The following CFAP20DC variants were observed in gnomAD, a reference collection of about 807,000 sequenced individuals.
CFAP20DC encodes CFAP20 domain containing.
In CFAP20DC, 84 loss-of-function variants were observed where a neutral mutation model predicts 101.7. The observed-to-expected ratio is 0.83, with a 90% CI of 0.69 to 0.99. CFAP20DC has a LOEUF of 0.99. Ranked by LOEUF, CFAP20DC falls within the 50% of genes least tolerant of loss-of-function variation. CFAP20DC has a pLI of 0.00. For missense variants in CFAP20DC, 1,007 were observed against 970.3 expected, an observed-to-expected ratio of 1.04 and a Z score of -0.50; for synonymous variants, 359 against 351.2, an observed-to-expected ratio of 1.02 and a Z score of -0.25.
chr3:58,959,245 C>A (rs1338581095), intron 4 of CFAP20DC, among the ~76,000 whole-genome samples: 1 of 152,194 alleles, frequency 6.6e-6, no homozygotes, highest in Non-Finnish European at 1.5e-5. Context: ...CAGGCATGTG[C>A]CACCATGCCC....
intron 15 of CFAP20DC, among the ~76,000 whole-genome samples, chr3:58,756,031 T>G (rs1189809972): frequency 6.6e-6 from 1 of 152,196 alleles, no homozygotes; most frequent in Non-Finnish European, 1.5e-5. Flanking sequence ...ACAGCCATGC[T>G]CATTTGCTTA....
intron 13 of CFAP20DC, among the ~76,000 whole-genome samples, chr3:58,843,610 C>T (rs1310388010): frequency 6.6e-6 from 1 of 151,860 alleles, no homozygotes; most frequent in African/African-American, 2.4e-5. Context: ...TCCAGGAGAA[C>T]TTCCCCAATC....
intron 15 of CFAP20DC, among the ~76,000 whole-genome samples, chr3:58,804,951 T>C (rs78164332): frequency 2.0e-5 from 3 of 152,174 alleles, no homozygotes; most frequent in East Asian, 1.9e-4. Flanking sequence ...GTGTACAGAA[T>C]AGAAACATTT....
chr3:58,727,195 G>A, intron 3 of CFAP20DC: 1 of 158,722 alleles, frequency 6.3e-6, no homozygotes, highest in Non-Finnish European at 1.4e-5. Flanking sequence ...ACCTTTCCTT[G>A]CCCACATCTA....
intron 4 of CFAP20DC, among the ~76,000 whole-genome samples, chr3:58,967,119 T>G (rs1477316968): frequency 6.6e-6 from 1 of 152,168 alleles, no homozygotes; most frequent in Non-Finnish European, 1.5e-5. Context: ...CACAAAGCTA[T>G]AGTAAACATG....
Position 58,725,908 on chromosome 3 carries a change from A to T in CFAP20DC, c.198-8280T>A, listed in dbSNP as rs1211631959. The T allele has an allele frequency of 2.4e-5, 4 of 163,572 alleles. No homozygotes were observed. In the South Asian group the frequency reaches 6.5e-4, roughly 27 times the overall value. The allele number at this position is 163,572 out of a possible 1,614,324, so 10.1% of individuals were successfully genotyped here. A position where few individuals can be genotyped will look rare whatever the true frequency, so the allele number is the denominator to read the frequency against. On this transcript the variant is annotated intron_variant, in intron 3 of 3. Coordinates refer to the CFAP20DC transcript ENST00000486145. ...TCTGGAGCTTTTTGGAACAAGAAGAACTCAAGGTGCAACAGTTACAAGTGA... is the reference window on the plus strand; with the variant it reads ...TCTGGAGCTTTTTGGAACAAGAAGATCTCAAGGTGCAACAGTTACAAGTGA...
rs2067484630 is a variant in CFAP20DC, at chr3:58,722,347, T to C, written c.198-4719A>G. Among the ~76,000 whole-genome samples, 1 of 152,088 alleles carries C rather than the reference T, an allele frequency of 6.6e-6. No individual in the cohort carries two copies. Among genetic ancestry groups the C allele is most frequent in the African/African-American group, 2.4e-5 (1 of 41,396 alleles). On this transcript the variant is annotated intron_variant, in intron 3 of 3. Transcript: ENST00000486145. The surrounding 1 kb of genome is among the most constrained non-coding windows in gnomAD (Gnocchi z 4.5). The stretch of plus-strand genomic sequence containing the variant: ...CATGCGTGTACTACTATGGTAGTGG[T>C]CTTATATCACTCAAGTTTGGGGTGG...
At chr3:58,781,391 T>G (rs554899435) in intron 15 of CFAP20DC, among the ~76,000 whole-genome samples, 109 of 151,842 alleles carry the variant, frequency 7.2e-4, no homozygotes, top group African/African-American at 2.5e-3. Flanking sequence ...TTTTAGGAAC[T>G]AGAAAAGCAA....
At chr3:58,860,767 T>A (rs901763034) in intron 12 of CFAP20DC, among the ~76,000 whole-genome samples, 3 of 152,226 alleles carry the variant, frequency 2.0e-5, no homozygotes, top group African/African-American at 7.2e-5. Flanking sequence ...AACAGTTGCA[T>A]GCTTTCGTTT....
intron 15 of CFAP20DC, among the ~76,000 whole-genome samples, chr3:58,796,663 T>C (rs1047456286): frequency 6.6e-6 from 1 of 152,044 alleles, no homozygotes; most frequent in South Asian, 2.1e-4. Flanking sequence ...GACACACACA[T>C]ACACACACAC....
intron 12 of CFAP20DC, among the ~76,000 whole-genome samples, chr3:58,860,109 G>A (rs1014965492): frequency 2.7e-5 from 4 of 148,274 alleles, no homozygotes; most frequent in Admixed American, 6.8e-5. Flanking sequence ...CCAGGGAGTC[G>A]GAGGTTGCAA....
In CFAP20DC at chr3:58,819,005, C is replaced by T. The variant is rs866041189; in HGVS notation, c.2176-12549G>A. ...AAGAATCTCACTCAAACCCGCTCAA[C>T]TACGTGGAAACTGAACAACCTGCTC... On this transcript the variant is annotated intron_variant, in intron 14 of 16. Transcript: ENST00000482387. 3.8e-4 allele frequency among the ~76,000 whole-genome samples: 58 copies of T among 151,358 alleles called. 1 individual carries two copies. In the South Asian group the frequency reaches 0.012, roughly 31 times the overall value.
downstream of CFAP20DC, among the ~76,000 whole-genome samples, chr3:58,738,208 G>A (rs982802259): frequency 2.0e-5 from 3 of 151,736 alleles, no homozygotes; most frequent in Non-Finnish European, 4.4e-5. The surrounding 1 kb of genome is among the most constrained non-coding windows in gnomAD (Gnocchi z 4.4). Flanking sequence ...AAGTTCCAGG[G>A]TACATGTACA....
chr3:58,837,182 C>T (rs2076796351), intron 13 of CFAP20DC, among the ~76,000 whole-genome samples: 2 of 152,116 alleles, frequency 1.3e-5, no homozygotes, highest in African/African-American at 4.8e-5. Flanking sequence ...CCTTAAGAGA[C>T]CAGATGGCTT....
At chr3:58,827,926 TA>T (rs1306036222) in intron 14 of CFAP20DC, among the ~76,000 whole-genome samples, 35 of 152,326 alleles carry the variant, frequency 2.3e-4, no homozygotes, top group African/African-American at 7.9e-4. Context: ...ATCAGGGAGA[TA>T]CTCCTGACTC....
chr3:58,858,635 A>C (rs1057041030), intron 12 of CFAP20DC, among the ~76,000 whole-genome samples: 1 of 152,240 alleles, frequency 6.6e-6, no homozygotes, highest in African/African-American at 2.4e-5. Flanking sequence ...TGGAGTTTTA[A>C]ATTCAATCCA....
chr3:58,968,855 T>C (rs1484382864), intron 4 of CFAP20DC, among the ~76,000 whole-genome samples: 1 of 152,190 alleles, frequency 6.6e-6, no homozygotes, highest in African/African-American at 2.4e-5. Context: ...TACATTTAAG[T>C]GTTTAATCCA....
Position 58,894,298 on chromosome 3 carries a change from C to A in CFAP20DC, c.551-9589G>T, listed in dbSNP as rs1190257703. Among the ~76,000 whole-genome samples the A allele has an allele frequency of 6.6e-6, 1 of 152,192 alleles. No individual in the cohort carries two copies. The highest frequency in any genetic ancestry group is 1.5e-5 in the Non-Finnish European group (1 of 68,044). ...GTCCAAAGTCTCTTCTGAGACAAGG[C>A]AAGTCCCTTCTGCCTATGAGCCTGT... is the stretch of plus-strand genomic sequence containing the variant. On this transcript the variant is annotated intron_variant, in intron 6 of 16. Transcript: ENST00000482387. This position sits in a 1 kb window ranked among gnomAD's most constrained non-coding sequence, Gnocchi z 4.1.
intron 3 of CFAP20DC, among the ~76,000 whole-genome samples, chr3:59,042,789 G>C (rs1320866942): frequency 6.6e-6 from 1 of 152,158 alleles, no homozygotes; most frequent in Non-Finnish European, 1.5e-5. Context: ...AATAATCCAA[G>C]CATGAGATAC....
Sources: gnomAD v4.1 joint callset for allele counts (sites outside exome capture counted in the v4.1 genomes callset) on GRCh38, gnomAD v4.1.1 for gene constraint, Gnocchi (gnomAD v3.1) non-coding constraint, MANE v1.5 for transcripts, NCBI Gene and HGNC (gene_info 2026-07-23, HGNC 2026-07-21) for gene names.